SLC25A26: variants seen among roughly 807,000 people sequenced by gnomAD.
SLC25A26 encodes the protein mitochondrial S-adenosylmethionine carrier protein.
SLC25A26 carries 36 observed loss-of-function variants against 37.8 expected under a neutral mutation model. The ratio of observed to expected loss-of-function variants is 0.95; its 90% CI spans 0.73 to 1.26. The LOEUF (loss-of-function observed/expected upper bound fraction) is 1.26, where lower values mean the gene tolerates loss of function less well. SLC25A26 is among the 50% of genes most tolerant of loss of function. SLC25A26 has a pLI of 0.00. For missense variants in SLC25A26, 390 were observed against 331.1 expected, an observed-to-expected ratio of 1.18 and a Z score of -1.38; for synonymous variants, 129 against 122.5, an observed-to-expected ratio of 1.05 and a Z score of -0.35.
chr3:66,370,918 C>A (rs990119453), intron 9 of SLC25A26, among the ~76,000 whole-genome samples: 1 of 152,140 alleles, frequency 6.6e-6, no homozygotes, highest in Non-Finnish European at 1.5e-5. Flanking sequence ...TGCAGAAATA[C>A]AAGGGAGTGA....
intron 5 of SLC25A26, among the ~76,000 whole-genome samples, chr3:66,266,835 C>T (rs1490428913): frequency 6.6e-6 from 1 of 151,968 alleles, no homozygotes; most frequent in Non-Finnish European, 1.5e-5. Context: ...GCTTTCATAT[C>T]CAGGATGATT....
intron 3 of SLC25A26, among the ~76,000 whole-genome samples, chr3:66,252,940 G>A (rs2073141523): frequency 6.6e-6 from 1 of 150,410 alleles, no homozygotes; most frequent in Non-Finnish European, 1.5e-5. Flanking sequence ...TATACTACTT[G>A]TGCAGTAAGG....
chr3:66,146,734 A>G (rs2070119849), intron 1 of SLC25A26, among the ~76,000 whole-genome samples: 1 of 152,256 alleles, frequency 6.6e-6, no homozygotes, highest in Non-Finnish European at 1.5e-5. Flanking sequence ...TTTTGGTTAC[A>G]TGGACGAATT....
At chr3:66,222,577 C>T (rs1450282285) in intron 1 of SLC25A26, among the ~76,000 whole-genome samples, 1 of 152,178 alleles carries the variant, frequency 6.6e-6, no homozygotes, top group Non-Finnish European at 1.5e-5. Flanking sequence ...GGGGTAAGCT[C>T]TTTACATACA....
At chr3:66,336,710 T>C (rs1456744300) in intron 5 of SLC25A26, among the ~76,000 whole-genome samples, 1 of 152,176 alleles carries the variant, frequency 6.6e-6, no homozygotes, top group African/African-American at 2.4e-5. Context: ...ACAAGAAGTT[T>C]TCAGGTTTCA....
intron 1 of SLC25A26, among the ~76,000 whole-genome samples, chr3:66,144,474 C>T (rs147824994): frequency 9.6e-4 from 146 of 152,234 alleles, no homozygotes; most frequent in Non-Finnish European, 1.4e-3. Flanking sequence ...TAGATTTTGC[C>T]CACTGGGTAC....
At chr3:66,341,213 A>G (rs896515323) in intron 5 of SLC25A26, among the ~76,000 whole-genome samples, 3 of 152,112 alleles carry the variant, frequency 2.0e-5, no homozygotes, top group Non-Finnish European at 4.4e-5. Flanking sequence ...TTAGCCATAC[A>G]TTGTTGGAGG....
chr3:66,202,943 T>C (rs972800796), intron 1 of SLC25A26, among the ~76,000 whole-genome samples: 2 of 152,244 alleles, frequency 1.3e-5, no homozygotes, highest in East Asian at 1.9e-4. Context: ...AAATTATACA[T>C]GTATTACGTT....
intron 1 of SLC25A26, among the ~76,000 whole-genome samples, chr3:66,193,546 T>C (rs2070985625): frequency 6.6e-6 from 1 of 152,182 alleles, no homozygotes; most frequent in South Asian, 2.1e-4. Context: ...TTATCTGGGC[T>C]TGGCAGCTCA....
chr3:66,340,400 A>G (rs1274501802), intron 5 of SLC25A26, among the ~76,000 whole-genome samples: 1 of 152,058 alleles, frequency 6.6e-6, no homozygotes, highest in East Asian at 1.9e-4. Context: ...CGATGAGCAG[A>G]AGTTTTAAAA....
In SLC25A26 at chr3:66,210,848, G is replaced by A. The variant is rs1044549236; in HGVS notation, c.-353-9894G>A. ...CTGAGTTAGCAAAAAGCTGAGTATC[G>A]CCAAAGGTTTGTCAGCAAGGAGACG... On this transcript the variant is annotated intron_variant, in intron 1 of 10. Coordinates refer to the SLC25A26 transcript ENST00000676754. Among the ~76,000 whole-genome samples the A allele has an allele frequency of 7.2e-4, 109 of 152,256 alleles. No homozygotes were observed. In the South Asian group the frequency reaches 7.7e-3, roughly 11 times the overall value.
intron 1 of SLC25A26, among the ~76,000 whole-genome samples, chr3:66,229,151 T>C (rs1553662137): frequency 1.3e-5 from 2 of 152,246 alleles, no homozygotes; most frequent in South Asian, 2.1e-4. Flanking sequence ...ATTCTAAAAA[T>C]AGTAGTTTAT....
chr3:66,163,099 G>A (rs1338210191), intron 1 of SLC25A26, among the ~76,000 whole-genome samples: 2 of 152,084 alleles, frequency 1.3e-5, no homozygotes, highest in Admixed American at 6.5e-5. Context: ...TGGTGTCCTC[G>A]ACATCCTTGT....
intron 1 of SLC25A26, among the ~76,000 whole-genome samples, chr3:66,175,140 T>TATATATATATATATACAC (rs1413714739): frequency 2.1e-4 from 14 of 66,996 alleles, no homozygotes; most frequent in African/African-American, 8.9e-4. Context: ...TATATATATA[T>TATATATATATATATACAC]ACACACACAC....
At chr3:66,225,170 A>C (rs1553659993) in intron 1 of SLC25A26, among the ~76,000 whole-genome samples, 1 of 152,098 alleles carries the variant, frequency 6.6e-6, no homozygotes, top group East Asian at 1.9e-4. Flanking sequence ...TGGGGCAGCC[A>C]CATTTCCCTT....
intron 2 of SLC25A26, among the ~76,000 whole-genome samples, chr3:66,240,937 G>A (rs1485847036): frequency 2.0e-5 from 3 of 151,590 alleles, no homozygotes; most frequent in African/African-American, 4.8e-5. Context: ...TAGTAGAGAC[G>A]GGGTTTCACT....
chr3:66,321,269 T>C lies in SLC25A26; in HGVS notation c.454-25095T>C, dbSNP rs143831633. Among the ~76,000 whole-genome samples, 23 of 152,354 alleles carry C rather than the reference T, an allele frequency of 1.5e-4. No individual in the cohort carries two copies. The South Asian group carries it at 2.9e-3, about 19-fold the overall frequency. ...TAACAAGCGCTTGAAATGATTATGA[T>C]GCATGCTAACGTTTAAACCGTTCTC... On this transcript the variant is annotated intron_variant, in intron 5 of 9. Coordinates refer to ENST00000354883, the MANE Select transcript of SLC25A26 (RefSeq NM_001379210.1).
intron 5 of SLC25A26, among the ~76,000 whole-genome samples, chr3:66,273,292 A>G (rs1006005284): frequency 2.0e-5 from 3 of 152,106 alleles, no homozygotes; most frequent in South Asian, 4.1e-4. Flanking sequence ...TGGTATCAGG[A>G]TGATGCTGGC....
chr3:66,277,366 T>C (rs1243869712), intron 5 of SLC25A26, among the ~76,000 whole-genome samples: 4 of 152,130 alleles, frequency 2.6e-5, no homozygotes, highest in Admixed American at 2.6e-4. Context: ...AATATTGTAT[T>C]ATATGTGTAA....
Sources: gnomAD v4.1 joint callset for allele counts (sites outside exome capture counted in the v4.1 genomes callset) on GRCh38, gnomAD v4.1.1 for gene constraint, MANE v1.5 for transcripts, NCBI Gene and HGNC (gene_info 2026-07-23, HGNC 2026-07-21) for gene names.